Variants in TAF4B observed in about 807,000 individuals in gnomAD.
TAF4B encodes TATA-box binding protein associated factor 4b, also known as transcription initiation factor TFIID subunit 4B.
A neutral mutation model predicts 86.4 loss-of-function variants in TAF4B; 38 were observed. The ratio of observed to expected loss-of-function variants is 0.44; its 90% CI spans 0.34 to 0.58. The LOEUF is 0.58. Ranked by LOEUF, TAF4B falls within the 20% of genes least tolerant of loss-of-function variation. TAF4B has a pLI of 0.02. For missense variants in TAF4B, 988 were observed against 1,027.6 expected (o/e 0.96, Z 0.53); for synonymous variants, 388 against 391.2 (o/e 0.99, Z 0.10).
intron 14 of TAF4B, among the ~76,000 whole-genome samples, chr18:26,362,744 A>G (rs1163345543): frequency 6.6e-6 from 1 of 152,206 alleles, no homozygotes; most frequent in Non-Finnish European, 1.5e-5. Context: ...TCAGGCATGC[A>G]TATTTTCCCC....
intron 1 of TAF4B, among the ~76,000 whole-genome samples, chr18:26,235,772 T>G (rs139210107): frequency 0.02 from 3,039 of 152,272 alleles, 82 homozygotes; most frequent in African/African-American, 0.067. Context: ...CCATTCTGCT[T>G]CTTCTGGTAT....
At chr18:26,234,509 A>C (rs1261836287) in intron 1 of TAF4B, among the ~76,000 whole-genome samples, 3 of 152,222 alleles carry the variant, frequency 2.0e-5, no homozygotes, top group Non-Finnish European at 4.4e-5. Flanking sequence ...GGCTCGGGTA[A>C]GTGCCACTAG....
chr18:26,264,504 T>C (rs566191963), intron 1 of TAF4B, among the ~76,000 whole-genome samples: 10 of 152,338 alleles, frequency 6.6e-5, no homozygotes, highest in Middle Eastern at 3.4e-3. Context: ...TTATAGATTG[T>C]TGAACTATAG....
At chr18:26,227,602 C>T (rs549014225) in intron 1 of TAF4B, among the ~76,000 whole-genome samples, 220 of 152,224 alleles carry the variant, frequency 1.4e-3, no homozygotes, top group African/African-American at 5.0e-3. Context: ...CCGTGGATTT[C>T]CATACGCTTA....
At chr18:26,337,721 C>T (rs147221046) in intron 13 of TAF4B, among the ~76,000 whole-genome samples, 3 of 152,140 alleles carry the variant, frequency 2.0e-5, no homozygotes, top group Admixed American at 6.5e-5. Context: ...CTGTGCCTGG[C>T]TAACCATATC....
Position 26,315,325 on chromosome 18 carries a change from C to T in TAF4B, c.1929C>T (p.Gly643=). ...TAGCAACAAACTCTGAATTGGTTGG[C>T]ACACTCATTCAGTCATGTAAAGATG... The part of the protein sequence containing the change: ...CILATNSELV[G]TLIQSCKDEP... Residue 643 remains glycine (G), a synonymous_variant, in exon 10 of 15, where the codon GGC becomes GGT. Transcript: ENST00000269142. The T allele has an allele frequency of 6.2e-7, 1 of 1,613,564 alleles. No individual in the cohort carries two copies. Among genetic ancestry groups the T allele is most frequent in the Non-Finnish European group, 8.5e-7 (1 of 1,179,890 alleles).
intron 1 of TAF4B, among the ~76,000 whole-genome samples, chr18:26,242,094 A>G (rs953011949): frequency 2.6e-5 from 4 of 152,188 alleles, no homozygotes; most frequent in South Asian, 2.1e-4. Context: ...GTAGATGTCT[A>G]TTAGGCCTGC....
At chr18:26,373,519 GAAATT>G (rs2144352680) in intron 14 of TAF4B, among the ~76,000 whole-genome samples, 1 of 152,104 alleles carries the variant, frequency 6.6e-6, no homozygotes, top group South Asian at 2.1e-4. Flanking sequence ...AATATAAAAA[GAAATT>G]AAAGGTTATC....
chr18:26,265,270 A>C lies in TAF4B; in HGVS notation c.444A>C (p.Pro148=), dbSNP rs2056223610. The C allele has an allele frequency of 5.0e-6, 8 of 1,614,172 alleles. No individual in the cohort carries two copies. The East Asian group carries it at 1.8e-4, about 36-fold the overall frequency. ...CCACAAGTAACATAACCTCAAGGCC[A>C]GCAGTACCAGCGAATCCTCAAACAG... ...AETTSNITSR[P]AVPANPQTVK... The change falls in exon 2 of 15, where the codon CCA becomes CCC. Residue 148 remains proline, a synonymous_variant. Transcript: ENST00000269142.
intron 1 of TAF4B, among the ~76,000 whole-genome samples, chr18:26,231,801 A>G (rs1051556119): frequency 6.6e-6 from 1 of 152,110 alleles, no homozygotes; most frequent in Non-Finnish European, 1.5e-5. Context: ...AGCGGTAGCA[A>G]GGTTTATTGT....
At chr18:26,282,843 C>T (rs770249579) in intron 6 of TAF4B, among the ~76,000 whole-genome samples, 1 of 152,186 alleles carries the variant, frequency 6.6e-6, no homozygotes, top group Non-Finnish European at 1.5e-5. Flanking sequence ...TTCTTTGTTA[C>T]CATCCTAACA....
chr18:26,377,049 A>C (rs1247780414), intron 14 of TAF4B, among the ~76,000 whole-genome samples: 2 of 151,866 alleles, frequency 1.3e-5, no homozygotes, highest in Non-Finnish European at 2.9e-5. Flanking sequence ...GGTGTATAGC[A>C]CTTTTTATAT....
chr18:26,355,982 G>A (rs1011632893), intron 13 of TAF4B, among the ~76,000 whole-genome samples: 2 of 152,170 alleles, frequency 1.3e-5, no homozygotes, highest in African/African-American at 4.8e-5. Context: ...TGAAGCAAGT[G>A]GAAAATGGTT....
intron 12 of TAF4B, among the ~76,000 whole-genome samples, chr18:26,332,017 C>T (rs886681677): frequency 1.3e-5 from 2 of 152,208 alleles, no homozygotes; most frequent in African/African-American, 2.4e-5. Flanking sequence ...GGCACACTGA[C>T]CTTTCTGTTC....
chr18:26,281,609 G>A (rs2056450499), intron 5 of TAF4B, among the ~76,000 whole-genome samples: 1 of 152,090 alleles, frequency 6.6e-6, no homozygotes, highest in South Asian at 2.1e-4. Context: ...AAACCCTAAG[G>A]TCTCCAAACT....
At chr18:26,360,625 A>C (rs941990417) in intron 14 of TAF4B, among the ~76,000 whole-genome samples, 1 of 152,192 alleles carries the variant, frequency 6.6e-6, no homozygotes, top group Non-Finnish European at 1.5e-5. Flanking sequence ...ACCGAACTTG[A>C]GTAAGAGTTG....
intron 14 of TAF4B, among the ~76,000 whole-genome samples, chr18:26,372,843 G>GT (rs1555626338): frequency 6.6e-6 from 1 of 151,058 alleles, no homozygotes; most frequent in Non-Finnish European, 1.5e-5. Flanking sequence ...AGTGGCGGGT[G>GT]CTGTAGTCCC....
At chr18:26,278,038 A>G (rs1358049687) in intron 5 of TAF4B, among the ~76,000 whole-genome samples, 1 of 152,220 alleles carries the variant, frequency 6.6e-6, no homozygotes, top group African/African-American at 2.4e-5. Flanking sequence ...TTGAGAAAAT[A>G]TCTAACAAAT....
chr18:26,317,351 A>G (rs1433426577), intron 10 of TAF4B, among the ~76,000 whole-genome samples: 1 of 152,044 alleles, frequency 6.6e-6, no homozygotes, highest in African/African-American at 2.4e-5. Flanking sequence ...TTCTATTTCC[A>G]GTGTGGTTTA....
Sources: allele counts gnomAD v4.1 joint callset (sites outside exome capture counted in the v4.1 genomes callset), GRCh38; gene constraint gnomAD v4.1.1; transcripts MANE v1.5; gene names NCBI Gene and HGNC (gene_info 2026-07-23, HGNC 2026-07-21).